Variants in FAM227B observed in about 807,000 individuals in gnomAD.
FAM227B encodes the protein family with sequence similarity 227 member B.
A neutral mutation model predicts 73.8 loss-of-function variants in FAM227B; 88 were observed. The observed-to-expected ratio is 1.19, with a 90% confidence interval of 1.00 to 1.42. FAM227B has a LOEUF of 1.42. Among genes scored for constraint, FAM227B ranks in the 40% most tolerant of loss-of-function variants. The probability of loss-of-function intolerance (pLI) is 0.00; values close to 1 mark genes in which losing one functional copy is unlikely to be tolerated. For missense variants in FAM227B, 632 were observed against 590.9 expected, an observed-to-expected ratio of 1.07 and a Z score of -0.72; for synonymous variants, 210 against 190.5, an observed-to-expected ratio of 1.10 and a Z score of -0.84.
intron 11 of FAM227B, among the ~76,000 whole-genome samples, chr15:49,455,145 G>A (rs2053162813): frequency 6.6e-6 from 1 of 152,086 alleles, no homozygotes; most frequent in Non-Finnish European, 1.5e-5. Flanking sequence ...GCTGTTAATT[G>A]GCGTCTCAGG....
In FAM227B at chr15:49,350,267, G is replaced by A. The variant is rs574045841; in HGVS notation, c.1272-14771C>T. ...ATGTGGCGAGTGTATCAGATTAACT[G>A]AATTTCTACTTATACTTAATTTCAT... is the stretch of plus-strand genomic sequence containing the variant. On this transcript the variant is annotated intron_variant, in intron 13 of 15. Coordinates refer to ENST00000299338, the MANE Select transcript of FAM227B (RefSeq NM_152647.3). Among the ~76,000 whole-genome samples, 126 of 152,274 alleles carry A rather than the reference G, an allele frequency of 8.3e-4. 3 individuals carry two copies. The South Asian group carries it at 0.025, about 30-fold the overall frequency.
At position 49,499,104 on chromosome 15, in the gene FAM227B, T is replaced by C. The variant is rs2057899964; in HGVS notation, c.1012+9107A>G. Among the ~76,000 whole-genome samples, 3 of 138,190 alleles carry C rather than the reference T, an allele frequency of 2.2e-5. No individual in the cohort carries two copies. The South Asian group carries it at 6.7e-4, about 31-fold the overall frequency. 90.7% of individuals were successfully genotyped at this position (138,190 alleles called of 152,430 possible). ...TGGCGTGAACCCGGGAGGCGGAGCT[T>C]GCAGTGAGCCGAGATCCCGCCACTG... On this transcript the variant is annotated intron_variant, in intron 11 of 15. Transcript: ENST00000299338.
chr15:49,522,822 T>C (rs2059886400), intron 10 of FAM227B, among the ~76,000 whole-genome samples: 1 of 152,144 alleles, frequency 6.6e-6, no homozygotes, highest in Non-Finnish European at 1.5e-5. Flanking sequence ...CTTATAGACA[T>C]TTCTGAGGCA....
At chr15:49,591,687 A>C (rs919019837) in intron 3 of FAM227B, among the ~76,000 whole-genome samples, 2 of 151,294 alleles carry the variant, frequency 1.3e-5, no homozygotes, top group Non-Finnish European at 2.9e-5. Context: ...GGGTTTCACT[A>C]TGTTGGCCAG....
At chr15:49,396,866 C>G (rs541775202) in intron 11 of FAM227B, among the ~76,000 whole-genome samples, 2 of 151,988 alleles carry the variant, frequency 1.3e-5, no homozygotes, top group South Asian at 2.1e-4. Flanking sequence ...TTATCAAAGA[C>G]CAAAAGTAGA....
At chr15:49,455,772 A>T (rs190781195) in intron 11 of FAM227B, among the ~76,000 whole-genome samples, 1 of 152,280 alleles carries the variant, frequency 6.6e-6, no homozygotes, top group East Asian at 1.9e-4. Flanking sequence ...CACTTTGGGT[A>T]TGGTCAATAG....
intron 11 of FAM227B, among the ~76,000 whole-genome samples, chr15:49,417,722 A>G (rs552157077): frequency 3.7e-4 from 56 of 152,372 alleles, no homozygotes; most frequent in Middle Eastern, 3.4e-3. Context: ...AAAACCCTGG[A>G]AGATAACCTA....
chr15:49,591,145 C>T (rs1173243400), intron 3 of FAM227B, among the ~76,000 whole-genome samples: 1 of 143,778 alleles, frequency 7.0e-6, no homozygotes, highest in East Asian at 2.2e-4. Context: ...CCTGGGTTCA[C>T]GCCATTCTCC....
chr15:49,485,025 TAAACTC>T (rs1354114106), intron 11 of FAM227B: 23 of 152,106 alleles, frequency 1.5e-4, no homozygotes, highest in African/African-American at 5.3e-4. Context: ...ATAATCTACT[TAAACTC>T]TAATCAGAAA....
At chr15:49,495,757 C>T (rs1459802113) in intron 11 of FAM227B, among the ~76,000 whole-genome samples, 1 of 152,076 alleles carries the variant, frequency 6.6e-6, no homozygotes, top group Non-Finnish European at 1.5e-5. Flanking sequence ...GGCATGGTGG[C>T]TCGTGCTTTA....
At chr15:49,338,913 TC>T (rs1173896862) in intron 13 of FAM227B, among the ~76,000 whole-genome samples, 1 of 152,210 alleles carries the variant, frequency 6.6e-6, no homozygotes, top group Non-Finnish European at 1.5e-5. Flanking sequence ...TACCGCTTGA[TC>T]AATTCAGCTA....
chr15:49,426,014 A>G (rs1228189197), intron 11 of FAM227B, among the ~76,000 whole-genome samples: 1 of 151,460 alleles, frequency 6.6e-6, no homozygotes, highest in Admixed American at 6.6e-5. Flanking sequence ...CATGGATATA[A>G]TAACAATATT....
rs375591247 is a variant in FAM227B, at chr15:49,542,202, G to GT, written c.748-397dup. Among the ~76,000 whole-genome samples, 299 of 152,230 alleles carry GT rather than the reference G, an allele frequency of 2.0e-3. 1 individual carries two copies. Among genetic ancestry groups the GT allele is most frequent in the African/African-American group, 6.9e-3 (286 of 41,536 alleles). On this transcript the variant is annotated intron_variant, in intron 9 of 15. Transcript: ENST00000299338. Reference sequence around the variant, plus strand: ...TATAGGTAAATTGCATGTTAAGAAGGTTTTGTGAACAGATTATTTCTTTTT... The same window carrying GT: ...TATAGGTAAATTGCATGTTAAGAAGGTTTTTGTGAACAGATTATTTCTTTTT...
intron 13 of FAM227B, among the ~76,000 whole-genome samples, chr15:49,346,129 G>T (rs2041464708): frequency 6.6e-6 from 1 of 150,900 alleles, no homozygotes. Context: ...CTGGCTGCTT[G>T]ATAGATACCA....
At chr15:49,455,508 T>C (rs991540268) in intron 11 of FAM227B, among the ~76,000 whole-genome samples, 4 of 152,184 alleles carry the variant, frequency 2.6e-5, no homozygotes, top group South Asian at 2.1e-4. Flanking sequence ...GGGTGCTCAA[T>C]TGCACTACTC....
At chr15:49,483,018 T>C (rs1265679909) in intron 11 of FAM227B, 9 of 676,346 alleles carry the variant, frequency 1.3e-5, no homozygotes, top group Non-Finnish European at 2.1e-5. Flanking sequence ...TCAGGGGTCT[T>C]GGGCTGAGTA....
At chr15:49,462,208 G>GA (rs1474988444) in intron 11 of FAM227B, among the ~76,000 whole-genome samples, 1 of 151,920 alleles carries the variant, frequency 6.6e-6, no homozygotes, top group Admixed American at 6.6e-5. Flanking sequence ...GATCTGGGAT[G>GA]AAAAAAAGAT....
intron 11 of FAM227B, among the ~76,000 whole-genome samples, chr15:49,428,418 A>T (rs1458846112): frequency 6.6e-6 from 1 of 152,056 alleles, no homozygotes; most frequent in East Asian, 1.9e-4. Flanking sequence ...ACATCATAAA[A>T]GGGTGAAATG....
intron 3 of FAM227B, among the ~76,000 whole-genome samples, chr15:49,592,903 C>A (rs1012284935): frequency 1.3e-5 from 2 of 152,200 alleles, no homozygotes; most frequent in Non-Finnish European, 2.9e-5. Context: ...ATGGTGGACA[C>A]CCCTCCCCCG....
Sources: gnomAD v4.1 joint callset for allele counts (sites outside exome capture counted in the v4.1 genomes callset) on GRCh38, gnomAD v4.1.1 for gene constraint, MANE v1.5 for transcripts, NCBI Gene and HGNC (gene_info 2026-07-23, HGNC 2026-07-21) for gene names.